The following DLGAP2 variants were observed in gnomAD, a reference collection of about 807,000 sequenced individuals.
DLGAP2 encodes disks large-associated protein 2.
A neutral mutation model predicts 100.3 loss-of-function variants in DLGAP2; 26 were observed. The observed-to-expected ratio is 0.26, with a 90% confidence interval of 0.19 to 0.36. The LOEUF (loss-of-function observed/expected upper bound fraction) is 0.36. DLGAP2 is among the 10% of genes least tolerant of loss of function. DLGAP2 has a pLI of 1.00. For missense variants in DLGAP2, 1,858 were observed against 1,453.2 expected (o/e 1.28, Z -4.53); for synonymous variants, 886 against 630.1 (o/e 1.41, Z -6.08).
chr8:1,197,539 C>G (rs1454955483), intron 2 of DLGAP2, among the ~76,000 whole-genome samples: 3 of 152,240 alleles, frequency 2.0e-5, no homozygotes, highest in Non-Finnish European at 4.4e-5. Context: ...CTACATAAAC[C>G]TGAGCTACAC....
chr8:858,292 G>A (rs190962150), intron 1 of DLGAP2, among the ~76,000 whole-genome samples: 4 of 152,372 alleles, frequency 2.6e-5, no homozygotes, highest in Non-Finnish European at 2.9e-5. Context: ...TGGAGCAACC[G>A]TAAATGCACG....
chr8:778,618 C>A (rs1172911135), intron 1 of DLGAP2, among the ~76,000 whole-genome samples: 2 of 152,184 alleles, frequency 1.3e-5, no homozygotes, highest in African/African-American at 4.8e-5. Flanking sequence ...TGTCAGTGTA[C>A]CCCTGTTGGG....
intron 1 of DLGAP2, among the ~76,000 whole-genome samples, chr8:768,418 ATTT>A (rs58234397): frequency 1.0e-5 from 1 of 99,958 alleles, no homozygotes; most frequent in African/African-American, 4.0e-5. Context: ...GAAGGCGTTG[ATTT>A]TTTTTTTTTT....
At chr8:872,150 T>C (rs531232845) in intron 1 of DLGAP2, among the ~76,000 whole-genome samples, 4 of 152,244 alleles carry the variant, frequency 2.6e-5, no homozygotes, top group Non-Finnish European at 5.9e-5. Flanking sequence ...TCTTCTCATT[T>C]TTCTCCAGAA....
At chr8:917,215 A>ACCC (rs374391999) in intron 2 of DLGAP2, among the ~76,000 whole-genome samples, 258 of 120,574 alleles carry the variant, frequency 2.1e-3, no homozygotes, top group Middle Eastern at 3.9e-3. Flanking sequence ...CCCTCCCTCC[A>ACCC]TCCCTCCCTC....
At chr8:1,224,800 G>A (rs1406994203) in intron 2 of DLGAP2, among the ~76,000 whole-genome samples, 2 of 152,312 alleles carry the variant, frequency 1.3e-5, no homozygotes, top group African/African-American at 2.4e-5. Context: ...CTCCAAGGAA[G>A]ATATACAAAT....
intron 2 of DLGAP2, among the ~76,000 whole-genome samples, chr8:1,098,612 GGCGCCGCC>G (rs1563190767): frequency 6.6e-5 from 7 of 106,470 alleles, no homozygotes; most frequent in Non-Finnish European, 1.1e-4. Context: ...GCCGCCCACG[GGCGCCGCC>G]ACCCACGCCA....
intron 3 of DLGAP2, among the ~76,000 whole-genome samples, chr8:1,286,257 G>A (rs949673144): frequency 6.6e-6 from 1 of 152,162 alleles, no homozygotes. Flanking sequence ...TGCCATGATT[G>A]TAAGTTTCCT....
At chr8:995,764 G>A (rs1800766711) in intron 2 of DLGAP2, among the ~76,000 whole-genome samples, 1 of 152,218 alleles carries the variant, frequency 6.6e-6, no homozygotes, top group Non-Finnish European at 1.5e-5. Flanking sequence ...ATGAAAAGTA[G>A]AAGTGGTTGC....
intron 3 of DLGAP2, chr8:1,378,135 G>A (rs1156884123): frequency 1.2e-5 from 2 of 160,554 alleles, no homozygotes; most frequent in Non-Finnish European, 2.7e-5. Flanking sequence ...TTGCACGTAT[G>A]CCGTATGTCT....
At chr8:1,524,147 A>T (rs1241427820) in intron 4 of DLGAP2, among the ~76,000 whole-genome samples, 1 of 152,088 alleles carries the variant, frequency 6.6e-6, no homozygotes, top group Non-Finnish European at 1.5e-5. Flanking sequence ...TCAAGCAGAG[A>T]CCAGAGTGGG....
intron 1 of DLGAP2, among the ~76,000 whole-genome samples, chr8:838,332 T>G (rs1796920181): frequency 6.6e-6 from 1 of 152,116 alleles, no homozygotes; most frequent in Non-Finnish European, 1.5e-5. Context: ...AATCAGCTAC[T>G]CCATTCACAC....
chr8:1,060,365 C>A (rs1277839180), intron 2 of DLGAP2, among the ~76,000 whole-genome samples: 3 of 71,548 alleles, frequency 4.2e-5, no homozygotes, highest in South Asian at 5.7e-4. Flanking sequence ...GGATAGATAC[C>A]CTCCCAAGGC....
rs1798820647 is a variant in DLGAP2, at chr8:1,676,758, T to TTGA, written c.2288+142_2288+144dup. 83 of 804,562 alleles carry TTGA rather than the reference T, an allele frequency of 1.0e-4. No individual in the cohort carries two copies. The South Asian group carries it at 1.4e-3, about 13-fold the overall frequency. 49.8% of individuals were successfully genotyped at this position (804,562 alleles called of 1,614,324 possible). On this transcript the variant is annotated intron_variant, in intron 11 of 14. Coordinates refer to ENST00000637795, the MANE Select transcript of DLGAP2 (RefSeq NM_001346810.2). ...AGGGCCATACGTTTATACTTTTCCA[T>TTGA]TGATAACCCTCAAGTATGAATTAAC...
chr8:1,265,006 G>T (rs1272480255), intron 3 of DLGAP2, among the ~76,000 whole-genome samples: 2 of 152,120 alleles, frequency 1.3e-5, no homozygotes, highest in East Asian at 1.9e-4. Flanking sequence ...CACCATGATT[G>T]TGAGGGCTCC....
At chr8:947,889 G>C (rs554291677) in intron 2 of DLGAP2, among the ~76,000 whole-genome samples, 1 of 146,258 alleles carries the variant, frequency 6.8e-6, no homozygotes, top group Admixed American at 6.8e-5. Context: ...GCCAGCCCGT[G>C]TGGGCCATGG....
intron 1 of DLGAP2, among the ~76,000 whole-genome samples, chr8:777,598 C>G (rs1405452854): frequency 1.5e-5 from 2 of 135,810 alleles, no homozygotes; most frequent in Non-Finnish European, 3.2e-5. Flanking sequence ...TTTATTTCTC[C>G]TTCACTTAGG....
At chr8:1,676,700 C>T in intron 11 of DLGAP2, 82 bp downstream of exon 11, 1 of 1,386,090 alleles carries the variant, frequency 7.2e-7, no homozygotes, top group Non-Finnish European at 1.0e-6. Flanking sequence ...CTAGATCCTG[C>T]CGGCCCTCAA....
At chr8:1,301,015 G>C (rs997565997) in intron 3 of DLGAP2, 3 of 152,462 alleles carry the variant, frequency 2.0e-5, no homozygotes, top group Non-Finnish European at 2.9e-5. Context: ...ACGCGTCCCT[G>C]TCTGGCCCCA....
Sources: gnomAD v4.1 joint callset for allele counts (sites outside exome capture counted in the v4.1 genomes callset) on GRCh38, gnomAD v4.1.1 for gene constraint, MANE v1.5 for transcripts, NCBI Gene and HGNC (gene_info 2026-07-23, HGNC 2026-07-21) for gene names.